The following PTK2 variants were observed in gnomAD, a reference collection of about 807,000 sequenced individuals.
The protein encoded by PTK2 is focal adhesion kinase 1.
Under a neutral mutation model 150.1 loss-of-function variants are expected in PTK2, and 45 were observed. The ratio of observed to expected loss-of-function variants is 0.30; its 90% CI spans 0.24 to 0.38. PTK2 has a LOEUF of 0.38. Ranked by LOEUF, PTK2 falls within the 10% of genes least tolerant of loss-of-function variation. The pLI is 1.00. For missense variants in PTK2, 919 were observed against 1,307.3 expected (o/e 0.70, Z 4.58); for synonymous variants, 432 against 449.2 (o/e 0.96, Z 0.48).
At chr8:140,813,794 A>G (rs2100103015) in intron 10 of PTK2, among the ~76,000 whole-genome samples, 1 of 151,854 alleles carries the variant, frequency 6.6e-6, no homozygotes, top group Admixed American at 6.6e-5. Context: ...GAAGAAAAGA[A>G]CTAACCAAAA....
intron 10 of PTK2, among the ~76,000 whole-genome samples, chr8:140,814,042 C>A (rs1003432511): frequency 2.6e-5 from 4 of 152,150 alleles, no homozygotes; most frequent in Non-Finnish European, 4.4e-5. Context: ...GCACATAAAC[C>A]AGAAAATCTA....
At position 140,686,395 on chromosome 8, in the gene PTK2, CTAAAA is replaced by C. The variant is rs550141420; in HGVS notation, c.2562+232_2562+236del. On this transcript the variant is annotated intron_variant, in intron 27 of 31. Transcript: ENST00000522684. Reference sequence around the variant, plus strand: ...CACATCTGTACATGTACCCCTGAAACTAAAATAAAAGTTAAAAAAAAAAGCCTTTA... The same window carrying C: ...CACATCTGTACATGTACCCCTGAAACTAAAAGTTAAAAAAAAAAGCCTTTA... Among the ~76,000 whole-genome samples, 1,045 of 135,136 alleles carry C rather than the reference CTAAAA, an allele frequency of 7.7e-3. 7 individuals carry two copies. The highest frequency in any genetic ancestry group is 0.011 in the Non-Finnish European group (643 of 58,506). 88.7% of individuals were successfully genotyped at this position (135,136 alleles called of 152,430 possible).
At chr8:140,698,895 A>AT (rs1285567040) in intron 26 of PTK2, among the ~76,000 whole-genome samples, 1 of 149,876 alleles carries the variant, frequency 6.7e-6, no homozygotes, top group Non-Finnish European at 1.5e-5. Flanking sequence ...GATTATAGGC[A>AT]TGAGCCACTG....
rs377205785 is a variant in PTK2 at position 140,693,564 on chromosome 8, TAAAAA to T, written c.2500-6875_2500-6871del. Among the ~76,000 whole-genome samples the T allele has an allele frequency of 4.3e-4, 31 of 72,450 alleles. 2 individuals carry two copies. Among genetic ancestry groups the T allele is most frequent in the African/African-American group, 1.1e-3 (19 of 16,652 alleles). The allele number at this position is 72,450 out of a possible 152,430, so 47.5% of individuals were successfully genotyped here. ...CCACAGAGTGAGACTTTGTCTCAAT[TAAAAA>T]AAAAAAAAAAAAAAAAAAAAAAAAA... On this transcript the variant is annotated intron_variant, in intron 26 of 31. Transcript: ENST00000522684.
intron 1 of PTK2, among the ~76,000 whole-genome samples, chr8:140,957,687 C>T (rs2100181657): frequency 6.6e-6 from 1 of 152,104 alleles, no homozygotes; most frequent in Admixed American, 6.5e-5. Flanking sequence ...TCTTTTATAT[C>T]ATATTCTTAT....
intron 1 of PTK2, among the ~76,000 whole-genome samples, chr8:140,998,849 G>C (rs1392120533): frequency 6.6e-6 from 1 of 151,084 alleles, no homozygotes; most frequent in South Asian, 2.1e-4. Flanking sequence ...TATTTTCTTA[G>C]ACAATTTCTC....
At chr8:140,836,521 T>TA (rs1422200400) in intron 7 of PTK2, among the ~76,000 whole-genome samples, 2 of 152,168 alleles carry the variant, frequency 1.3e-5, no homozygotes, top group Non-Finnish European at 2.9e-5. Flanking sequence ...ATAAGAGAAA[T>TA]AAACTTCTGT....
Position 140,815,829 on chromosome 8 carries a change from G to A in PTK2, c.867+2448C>T, listed in dbSNP as rs1397539539. Among the ~76,000 whole-genome samples, 3 of 152,100 alleles carry A rather than the reference G, an allele frequency of 2.0e-5. No individual in the cohort carries two copies. In the East Asian group the frequency reaches 5.8e-4, roughly 29 times the overall value. On this transcript the variant is annotated intron_variant, in intron 10 of 31. Coordinates refer to ENST00000522684, the Ensembl canonical transcript of PTK2. ...ATCAATAGATGCTAAAAGGGTCTTT[G>A]ATTAAATTTAGGAGCTACTCATAAA...
chr8:140,969,902 C>T (rs1388453704), intron 1 of PTK2, among the ~76,000 whole-genome samples: 10 of 152,202 alleles, frequency 6.6e-5, no homozygotes, highest in Admixed American at 6.5e-4. Context: ...CCCCTTCCTG[C>T]TACAACTCAG....
chr8:140,964,207 C>G (rs557114147), intron 1 of PTK2, among the ~76,000 whole-genome samples: 1 of 152,192 alleles, frequency 6.6e-6, no homozygotes, highest in South Asian at 2.1e-4. Context: ...CAGGATTTAG[C>G]CCACTGAACT....
intron 1 of PTK2, among the ~76,000 whole-genome samples, chr8:140,929,007 C>T (rs1442992050): frequency 7.8e-6 from 1 of 128,554 alleles, no homozygotes; most frequent in Non-Finnish European, 1.6e-5. Context: ...GCTCTGTCGC[C>T]CAGGCTGGAG....
intron 16 of PTK2, among the ~76,000 whole-genome samples, chr8:140,759,530 T>TAACAA (rs2100068010): frequency 1.7e-5 from 1 of 58,064 alleles, no homozygotes; most frequent in Non-Finnish European, 2.9e-5. Context: ...GACCCTGTCC[T>TAACAA]AAAAAAAAAA....
At chr8:140,964,356 C>A (rs974133191) in intron 1 of PTK2, among the ~76,000 whole-genome samples, 3 of 151,946 alleles carry the variant, frequency 2.0e-5, no homozygotes, top group Non-Finnish European at 4.4e-5. Flanking sequence ...CCTCCCTCAG[C>A]CACACCATCA....
chr8:140,672,050 T>C, intron 29 of PTK2: 1 of 398,094 alleles, frequency 2.5e-6, no homozygotes, highest in South Asian at 1.9e-5. Context: ...TTATTCCAGC[T>C]GTGAAAGATG....
chr8:140,747,795 G>A (rs1469559140), intron 17 of PTK2, among the ~76,000 whole-genome samples: 1 of 150,200 alleles, frequency 6.7e-6, no homozygotes, highest in African/African-American at 2.5e-5. Context: ...GGGAGGAAGG[G>A]AGGAGGAGGA....
At chr8:140,832,548 G>A (rs1263291933) in intron 7 of PTK2, among the ~76,000 whole-genome samples, 3 of 152,216 alleles carry the variant, frequency 2.0e-5, no homozygotes, top group Non-Finnish European at 4.4e-5. Flanking sequence ...TTAGAAGAAA[G>A]CACTGCTGTC....
intron 31 of PTK2, 96 bp from the exon 36 acceptor site, chr8:140,659,774 C>G (rs903305084): frequency 8.9e-7 from 1 of 1,125,644 alleles, no homozygotes; most frequent in African/African-American, 1.6e-5. Flanking sequence ...AAGCTTGCCT[C>G]AAACTCCTGG....
At chr8:140,854,494 T>C (rs2100131306) in intron 5 of PTK2, among the ~76,000 whole-genome samples, 1 of 152,178 alleles carries the variant, frequency 6.6e-6, no homozygotes, top group African/African-American at 2.4e-5. Flanking sequence ...AAAATTTGAT[T>C]CCGGGGTAAA....
intron 8 of PTK2, among the ~76,000 whole-genome samples, chr8:140,819,332 G>A (rs567554885): frequency 1.3e-5 from 2 of 151,990 alleles, no homozygotes; most frequent in East Asian, 1.9e-4. Flanking sequence ...CCAGGCCAAA[G>A]GTATAAAGGT....
Sources: allele counts gnomAD v4.1 joint callset (sites outside exome capture counted in the v4.1 genomes callset), GRCh38; gene constraint gnomAD v4.1.1; transcripts MANE v1.5; gene names NCBI Gene and HGNC (gene_info 2026-07-23, HGNC 2026-07-21).